The following PCBP3 variants were observed in gnomAD, a reference collection of about 807,000 sequenced individuals.
PCBP3 encodes the protein poly(rC)-binding protein 3.
A neutral mutation model predicts 52.7 loss-of-function variants in PCBP3; 25 were observed. The ratio of observed to expected loss-of-function variants is 0.47; its 90% CI spans 0.35 to 0.66. PCBP3 has a LOEUF of 0.66. PCBP3 is among the 30% of genes least tolerant of loss of function. The pLI, the probability that PCBP3 is intolerant of heterozygous loss-of-function variation, is 0.01. For synonymous variants in PCBP3, 162 were observed against 183.0 expected (o/e 0.89, Z 0.93); for missense variants, 391 against 490.3 (o/e 0.80, Z 1.91).
intron 4 of PCBP3, among the ~76,000 whole-genome samples, 173 bp from the exon 5 acceptor site, chr21:45,849,788 G>T (rs555304950): frequency 1.8e-4 from 28 of 152,252 alleles, no homozygotes; most frequent in African/African-American, 6.3e-4. Context: ...AGAGCCCCAG[G>T]GGGGAGCGCT....
At chr21:45,870,067 G>T (rs959198710) in intron 5 of PCBP3, among the ~76,000 whole-genome samples, 8 of 152,030 alleles carry the variant, frequency 5.3e-5, no homozygotes, top group Admixed American at 4.6e-4. Context: ...TTTTTTAGTT[G>T]TAATGTTATC....
chr21:45,698,864 T>C (rs1350281012), intron 2 of PCBP3, among the ~76,000 whole-genome samples: 1 of 152,204 alleles, frequency 6.6e-6, no homozygotes, highest in Non-Finnish European at 1.5e-5. Context: ...CCAAAGGAAG[T>C]GTCTTTGCTG....
chr21:45,831,424 A>C (rs1021246948), intron 4 of PCBP3, among the ~76,000 whole-genome samples: 1 of 149,566 alleles, frequency 6.7e-6, no homozygotes, highest in Non-Finnish European at 1.5e-5. Context: ...AAAAAAAAAA[A>C]AAAAAATCAA....
At chr21:45,677,343 A>G (rs1156600946) in intron 2 of PCBP3, among the ~76,000 whole-genome samples, 1 of 152,230 alleles carries the variant, frequency 6.6e-6, no homozygotes, top group East Asian at 1.9e-4. Flanking sequence ...CTCCAGAGTA[A>G]GGCCCTAATG....
In PCBP3 at chr21:45,802,893, T is replaced by C. The variant is rs909989728; in HGVS notation, c.-125-47068T>C. 1.1e-4 allele frequency among the ~76,000 whole-genome samples: 16 copies of C among 152,292 alleles called. No individual in the cohort carries two copies. Among genetic ancestry groups the C allele is most frequent in the African/African-American group, 3.6e-4 (15 of 41,568 alleles). ...TGTCGTGTATAAACGACTCACTAGG[T>C]CTTGGTGCATTTTTCATTGATACTC... On this transcript the variant is annotated intron_variant, in intron 4 of 17. Coordinates refer to ENST00000681687, the MANE Select transcript of PCBP3 (RefSeq NM_001384156.1). This position sits in a 1 kb window ranked among gnomAD's most constrained non-coding sequence, Gnocchi z 5.1.
chr21:45,922,402 GA>G (rs2074568016), intron 13 of PCBP3, among the ~76,000 whole-genome samples: 1 of 151,974 alleles, frequency 6.6e-6, no homozygotes, highest in South Asian at 2.1e-4. Context: ...AAAAAATACA[GA>G]AATTAACTGG....
chr21:45,813,435 A>G (rs991553798), intron 4 of PCBP3, among the ~76,000 whole-genome samples: 6 of 152,018 alleles, frequency 3.9e-5, no homozygotes, highest in African/African-American at 1.4e-4. Context: ...CAGTTTGTTC[A>G]GTCTGCCTTT....
At chr21:45,760,138 A>C (rs1342366892) in intron 4 of PCBP3, 1 of 152,218 alleles carries the variant, frequency 6.6e-6, no homozygotes, top group African/African-American at 2.4e-5. Context: ...AAGTGGAGAT[A>C]ATTTGATACC....
intron 5 of PCBP3, among the ~76,000 whole-genome samples, chr21:45,857,048 T>C (rs1603451473): frequency 6.6e-6 from 1 of 152,320 alleles, no homozygotes; most frequent in Middle Eastern, 3.4e-3. Flanking sequence ...TTAGAGACAG[T>C]CGATGACAAA....
chr21:45,725,701 C>CTACA (rs1246112672), intron 2 of PCBP3, among the ~76,000 whole-genome samples: 2 of 152,160 alleles, frequency 1.3e-5, no homozygotes, highest in Admixed American at 6.5e-5. Flanking sequence ...CAGGCACATG[C>CTACA]TACATGGAGA....
intron 4 of PCBP3, chr21:45,828,484 C>T (rs917754301): frequency 3.3e-5 from 5 of 152,238 alleles, no homozygotes; most frequent in African/African-American, 1.2e-4. Flanking sequence ...ACCAGCCGCA[C>T]TTTCCAGTGG....
At chr21:45,679,356 A>G (rs1306699266) in intron 2 of PCBP3, among the ~76,000 whole-genome samples, 1 of 152,114 alleles carries the variant, frequency 6.6e-6, no homozygotes, top group Non-Finnish European at 1.5e-5. Context: ...TCTGACCTCA[A>G]GTGGTCCACT....
chr21:45,844,307 G>C (rs768515659), intron 4 of PCBP3, among the ~76,000 whole-genome samples: 34 of 152,080 alleles, frequency 2.2e-4, no homozygotes, highest in Admixed American at 5.2e-4. Context: ...TAGACACGTT[G>C]GGTGGGAGGT....
chr21:45,934,767 C>G (rs563448786), intron 15 of PCBP3, among the ~76,000 whole-genome samples: 3 of 152,302 alleles, frequency 2.0e-5, no homozygotes, highest in Admixed American at 1.3e-4. Context: ...AGGTGGGGCA[C>G]TGTCGGGTAG....
At chr21:45,651,988 G>C (rs541235080) in intron 1 of PCBP3, among the ~76,000 whole-genome samples, 1 of 152,100 alleles carries the variant, frequency 6.6e-6, no homozygotes, top group African/African-American at 2.4e-5. Flanking sequence ...ATTTATAGAC[G>C]CATTTGTGTA....
intron 5 of PCBP3, among the ~76,000 whole-genome samples, chr21:45,877,062 T>G (rs1277182238): frequency 6.6e-6 from 1 of 152,276 alleles, no homozygotes; most frequent in African/African-American, 2.4e-5. Flanking sequence ...CCAAACCTAT[T>G]CATCCATCCC....
rs2086830529 is a variant in PCBP3, at chr21:45,746,086, GTGT to G, written c.-161-9327_-161-9325del. ...TCAGTCCACTGACGTAGCGCACACG[GTGT>G]TGTCAGCATCGCTGTGTCAGTCCAC... On this transcript the variant is annotated intron_variant, in intron 3 of 17. Coordinates refer to ENST00000681687, the MANE Select transcript of PCBP3 (RefSeq NM_001384156.1). Among the ~76,000 whole-genome samples, 2 of 142,588 alleles carry G rather than the reference GTGT, an allele frequency of 1.4e-5. 1 individual carries two copies. Among genetic ancestry groups the G allele is most frequent in the Non-Finnish European group, 3.0e-5 (2 of 65,900 alleles). 93.5% of individuals were successfully genotyped at this position (142,588 alleles called of 152,430 possible).
intron 10 of PCBP3, 117 bp from the exon 11 acceptor site, chr21:45,910,785 G>C (rs1290796381): frequency 3.0e-6 from 3 of 988,404 alleles, no homozygotes; most frequent in Non-Finnish European, 4.4e-6. Flanking sequence ...CGCGTGGGCT[G>C]TATGCAGGTT....
chr21:45,765,650 G>T lies in PCBP3; in HGVS notation c.-126+10198G>T, dbSNP rs1489704002. Among the ~76,000 whole-genome samples, 5 of 152,316 alleles carry T rather than the reference G, an allele frequency of 3.3e-5. No homozygotes were observed. In the East Asian group the frequency reaches 9.7e-4, roughly 29 times the overall value. On this transcript the variant is annotated intron_variant, in intron 4 of 17. Coordinates refer to ENST00000681687, the MANE Select transcript of PCBP3 (RefSeq NM_001384156.1). ...TCTTCCATTGTCTGCCTTCCTGAGG[G>T]GTCGGGGGCTTGTCTCCTGGCTCCT...
Sources: allele counts gnomAD v4.1 joint callset (sites outside exome capture counted in the v4.1 genomes callset), GRCh38; gene constraint gnomAD v4.1.1; non-coding constraint Gnocchi (gnomAD v3.1); transcripts MANE v1.5; gene names NCBI Gene and HGNC (gene_info 2026-07-23, HGNC 2026-07-21).